SEZ6L: variants seen among roughly 807,000 people sequenced by gnomAD.
The protein encoded by SEZ6L is seizure 6-like protein.
In SEZ6L, 37 loss-of-function variants were observed where a neutral mutation model predicts 106.2. The observed-to-expected ratio is 0.35, with a 90% CI of 0.27 to 0.46. The LOEUF (loss-of-function observed/expected upper bound fraction) is 0.46. SEZ6L is among the 20% of genes least tolerant of loss of function. The probability of loss-of-function intolerance (pLI) is 1.00; values close to 1 mark genes in which losing one functional copy is unlikely to be tolerated. For missense variants in SEZ6L, 1,172 were observed against 1,332.8 expected (o/e 0.88, Z 1.88); for synonymous variants, 541 against 570.4 (o/e 0.95, Z 0.73).
intron 1 of SEZ6L, among the ~76,000 whole-genome samples, chr22:26,208,846 CTCTCTGTGTGTG>C (rs1476169107): frequency 0.011 from 1,301 of 118,186 alleles, 18 homozygotes; most frequent in African/African-American, 0.036. Flanking sequence ...TCTTGACTCT[CTCTCTGTGTGTG>C]TGTGTGTGTG....
intron 1 of SEZ6L, among the ~76,000 whole-genome samples, chr22:26,285,487 T>C (rs7292813): frequency 0.042 from 6,431 of 152,286 alleles, 141 homozygotes; most frequent in Middle Eastern, 0.065. Flanking sequence ...TTGTGTTCAC[T>C]GTGATTAATC....
chr22:26,324,288 T>G (rs2145951025), intron 9 of SEZ6L, among the ~76,000 whole-genome samples: 1 of 152,272 alleles, frequency 6.6e-6, no homozygotes, highest in Non-Finnish European at 1.5e-5. Flanking sequence ...TGCCTTCCTT[T>G]GCTCCTCTGC....
intron 9 of SEZ6L, among the ~76,000 whole-genome samples, chr22:26,326,085 G>A (rs955247650): frequency 3.9e-5 from 6 of 152,146 alleles, no homozygotes; most frequent in African/African-American, 1.4e-4. Context: ...GATTGTGGTG[G>A]TAACTTGGAA....
At chr22:26,243,595 G>T (rs1012279239) in intron 1 of SEZ6L, among the ~76,000 whole-genome samples, 1 of 152,214 alleles carries the variant, frequency 6.6e-6, no homozygotes, top group Non-Finnish European at 1.5e-5. Flanking sequence ...TAGAGACTGA[G>T]GGTGTCTTAA....
intron 1 of SEZ6L, among the ~76,000 whole-genome samples, chr22:26,219,969 A>G (rs945763009): frequency 2.0e-5 from 3 of 152,216 alleles, no homozygotes; most frequent in Non-Finnish European, 4.4e-5. Context: ...TAAAAATCTG[A>G]AAAAAGAACA....
intron 1 of SEZ6L, among the ~76,000 whole-genome samples, chr22:26,259,301 A>G (rs2079924064): frequency 6.6e-6 from 1 of 152,222 alleles, no homozygotes; most frequent in Non-Finnish European, 1.5e-5. Flanking sequence ...ATCCTTGACA[A>G]TTTTTGAAAG....
intron 1 of SEZ6L, among the ~76,000 whole-genome samples, chr22:26,264,769 G>T (rs1306149888): frequency 6.6e-6 from 1 of 152,158 alleles, no homozygotes; most frequent in African/African-American, 2.4e-5. Flanking sequence ...GCCAAATTTG[G>T]CCAGTGGGCT....
rs372823636 is a variant in SEZ6L at position 26,303,474 on chromosome 22, C to T, written c.1349-2505C>T. ...CAACTACTATATGCCATATACCTTT[C>T]TGGATTAGCAGGTTATCATAAATAA... On this transcript the variant is annotated intron_variant, in intron 5 of 16. Coordinates refer to ENST00000248933, the MANE Select transcript of SEZ6L (RefSeq NM_021115.5). 5.3e-5 allele frequency among the ~76,000 whole-genome samples: 8 copies of T among 152,292 alleles called. No individual in the cohort carries two copies. In the East Asian group the frequency reaches 1.4e-3, roughly 26 times the overall value.
intron 1 of SEZ6L, among the ~76,000 whole-genome samples, chr22:26,242,503 G>A (rs2079171268): frequency 1.3e-5 from 2 of 152,202 alleles, no homozygotes; most frequent in Non-Finnish European, 2.9e-5. Flanking sequence ...TCATAGGGCT[G>A]AAAGTGCTTG....
chr22:26,218,259 A>C (rs1204130468), intron 1 of SEZ6L, among the ~76,000 whole-genome samples: 1 of 152,104 alleles, frequency 6.6e-6, no homozygotes, highest in African/African-American at 2.4e-5. Context: ...TTTTACTTTT[A>C]AGTTTTGGGA....
chr22:26,304,351 C>CAA (rs1235240481), intron 5 of SEZ6L, among the ~76,000 whole-genome samples: 1 of 36,536 alleles, frequency 2.7e-5, no homozygotes, highest in Non-Finnish European at 5.4e-5. Context: ...GAGTTTGTCT[C>CAA]AAAAAAAAAA....
chr22:26,248,868 C>T (rs1028840271), intron 1 of SEZ6L, among the ~76,000 whole-genome samples: 5 of 152,194 alleles, frequency 3.3e-5, no homozygotes, highest in East Asian at 3.9e-4. Flanking sequence ...GTGGCTGAAG[C>T]GGCTATGCAA....
At chr22:26,377,502 C>T (rs1237129758) in intron 15 of SEZ6L, among the ~76,000 whole-genome samples, 171 bp from the exon 16 acceptor site, 1 of 152,192 alleles carries the variant, frequency 6.6e-6, no homozygotes, top group Non-Finnish European at 1.5e-5. Context: ...ATTATGATTT[C>T]TGCTTTCACC....
intron 5 of SEZ6L, among the ~76,000 whole-genome samples, chr22:26,303,967 A>G (rs1319561169): frequency 1.3e-5 from 2 of 152,046 alleles, no homozygotes; most frequent in African/African-American, 2.4e-5. Flanking sequence ...GCTTTACTCA[A>G]TCGTGGCCCT....
At chr22:26,239,431 A>G (rs758608135) in intron 1 of SEZ6L, among the ~76,000 whole-genome samples, 18 of 152,244 alleles carry the variant, frequency 1.2e-4, no homozygotes, top group Admixed American at 3.3e-4. Context: ...AATGCTGTTC[A>G]CAAAGCAGCA....
chr22:26,229,599 C>T (rs761438229), intron 1 of SEZ6L, among the ~76,000 whole-genome samples: 1 of 152,156 alleles, frequency 6.6e-6, no homozygotes, highest in African/African-American at 2.4e-5. Context: ...ACTCTGCTGC[C>T]CCAATTTGTG....
intron 1 of SEZ6L, among the ~76,000 whole-genome samples, chr22:26,267,309 G>T (rs1320804667): frequency 6.6e-6 from 1 of 152,146 alleles, no homozygotes; most frequent in Non-Finnish European, 1.5e-5. Flanking sequence ...AGGTTTTCCT[G>T]CCTGCCCTTC....
At chr22:26,292,109 G>A in intron 1 of SEZ6L, 1 of 325,770 alleles carries the variant, frequency 3.1e-6, no homozygotes, top group Non-Finnish European at 5.6e-6. Flanking sequence ...AAAAATGGAA[G>A]GGGAAAGGAA....
intron 1 of SEZ6L, among the ~76,000 whole-genome samples, chr22:26,262,688 A>C (rs2145821456): frequency 6.6e-6 from 1 of 152,314 alleles, no homozygotes; most frequent in South Asian, 2.1e-4. Flanking sequence ...AGAACCTGAA[A>C]TCCAGGTAAG....
Sources: allele counts gnomAD v4.1 joint callset (sites outside exome capture counted in the v4.1 genomes callset), GRCh38; gene constraint gnomAD v4.1.1; transcripts MANE v1.5; gene names NCBI Gene and HGNC (gene_info 2026-07-23, HGNC 2026-07-21).